TBCE: variants seen among roughly 807,000 people sequenced by gnomAD.
The protein encoded by TBCE is tubulin-specific chaperone E.
A neutral mutation model predicts 77.0 loss-of-function variants in TBCE; 53 were observed. The ratio of observed to expected loss-of-function variants is 0.69; its 90% confidence interval spans 0.55 to 0.87. The LOEUF is 0.87. Ranked by LOEUF, TBCE falls within the 40% of genes least tolerant of loss-of-function variation. TBCE has a pLI of 0.00. For missense variants in TBCE, 624 were observed against 622.4 expected (o/e 1.00, Z -0.03); for synonymous variants, 235 against 241.3 (o/e 0.97, Z 0.24).
chr1:235,417,523 T>A (rs1470491179), intron 4 of TBCE, among the ~76,000 whole-genome samples: 1 of 152,230 alleles, frequency 6.6e-6, no homozygotes, highest in Non-Finnish European at 1.5e-5. Flanking sequence ...GCGTCCAGTC[T>A]GATTCCAGGG....
rs976243696 is a variant in TBCE at position 235,374,044 on chromosome 1, G to A, written c.-31-5975G>A. ...GGCTGGAATGCAATGGCATACCTTG[G>A]CTGACTGCAGCCTCCGCCTCTTGGG... On this transcript the variant is annotated intron_variant, in intron 1 of 16. Transcript: ENST00000642610. Among the ~76,000 whole-genome samples the A allele has an allele frequency of 8.9e-5, 13 of 145,540 alleles. 2 individuals carry two copies. Among genetic ancestry groups the A allele is most frequent in the Admixed American group, 6.1e-4 (9 of 14,722 alleles).
intron 2 of TBCE, among the ~76,000 whole-genome samples, chr1:235,392,493 C>T (rs1347718924): frequency 6.6e-6 from 1 of 150,436 alleles, no homozygotes; most frequent in Non-Finnish European, 1.5e-5. Context: ...TCACTGCAAC[C>T]TCCGCCTCCT....
At chr1:235,380,496 G>T (rs7533205) in intron 2 of TBCE, among the ~76,000 whole-genome samples, 23,720 of 151,786 alleles carry the variant, frequency 0.16, 2,479 homozygotes, top group African/African-American at 0.3. Context: ...AATTTCTTTT[G>T]TCATTAATCC....
intron 2 of TBCE, among the ~76,000 whole-genome samples, chr1:235,391,036 A>G (rs557718829): frequency 2.4e-4 from 36 of 152,254 alleles, no homozygotes; most frequent in African/African-American, 8.4e-4. Flanking sequence ...AGCGGTGTTC[A>G]TTGCTACTGG....
intron 2 of TBCE, among the ~76,000 whole-genome samples, chr1:235,397,743 G>T (rs1010600841): frequency 1.3e-5 from 2 of 152,162 alleles, no homozygotes; most frequent in African/African-American, 4.8e-5. Context: ...TCAGTCTTCT[G>T]TGCATTTGGA....
At chr1:235,376,042 C>G (rs1677273968) in intron 1 of TBCE, among the ~76,000 whole-genome samples, 1 of 151,980 alleles carries the variant, frequency 6.6e-6, no homozygotes, top group Non-Finnish European at 1.5e-5. Context: ...CGAGACTCTT[C>G]TCAAAACAAA....
In TBCE at chr1:235,434,130, G is replaced by T. The variant is rs376370073; in HGVS notation, c.661-74G>T. ...AACAGTAACTGAGCTGAATTCTTGT[G>T]GTGGTTCCTATGAACACCCGGGAAG... On this transcript the variant is annotated intron_variant, in intron 7 of 16. Coordinates refer to ENST00000642610, the MANE Select transcript of TBCE (RefSeq NM_003193.5). 50 of 1,310,342 alleles carry T rather than the reference G, an allele frequency of 3.8e-5. No individual in the cohort carries two copies. In the African/African-American group the frequency reaches 6.8e-4, roughly 18 times the overall value. The allele number at this position is 1,310,342 out of a possible 1,614,324, so 81.2% of individuals were successfully genotyped here.
At chr1:235,434,493 G>A (rs1041753457) in intron 8 of TBCE, among the ~76,000 whole-genome samples, 3 of 151,944 alleles carry the variant, frequency 2.0e-5, no homozygotes, top group East Asian at 1.9e-4. Context: ...GTGAAGACAT[G>A]AGTTATATTA....
chr1:235,374,344 G>T (rs56155020), intron 1 of TBCE, among the ~76,000 whole-genome samples: 55,489 of 144,660 alleles, frequency 0.38, 14,937 homozygotes, highest in Non-Finnish European at 0.47. Flanking sequence ...TCTAGATATC[G>T]CAATTTAAGC....
rs1037402208 is a variant in TBCE, at chr1:235,448,344, G to C, written c.1400-5G>C. ...AACGAATGGACTTTTCTTGTCTTTT[G>C]ATAGGCTCCATGACAATTCAAAAGG... On this transcript the variant is annotated splice_region_variant and splice_polypyrimidine_tract_variant and intron_variant, in intron 15 of 16. Transcript: ENST00000642610. 1.9e-6 allele frequency: 3 copies of C among 1,610,902 alleles called. No individual in the cohort carries two copies. Among genetic ancestry groups the C allele is most frequent in the African/African-American group, 1.3e-5 (1 of 74,522 alleles).
At chr1:235,413,096 C>G (rs1279582148) in intron 3 of TBCE, among the ~76,000 whole-genome samples, 3 of 152,154 alleles carry the variant, frequency 2.0e-5, no homozygotes, top group Non-Finnish European at 1.5e-5. Flanking sequence ...AGCTACTGTG[C>G]CTGGCCAGAA....
intron 3 of TBCE, chr1:235,414,006 C>T (rs1435606794): frequency 1.2e-5 from 3 of 248,978 alleles, no homozygotes; most frequent in African/African-American, 7.0e-5. Context: ...AGGTGTGCAC[C>T]ACCACGCTGG....
At chr1:235,440,113 G>A (rs1344352698) in intron 13 of TBCE, among the ~76,000 whole-genome samples, 2 of 152,102 alleles carry the variant, frequency 1.3e-5, no homozygotes, top group Non-Finnish European at 2.9e-5. Flanking sequence ...TGGGACTACA[G>A]GCGCCCACCA....
intron 1 of TBCE, among the ~76,000 whole-genome samples, chr1:235,371,660 G>A (rs1365932876): frequency 2.6e-5 from 4 of 151,294 alleles, no homozygotes; most frequent in Non-Finnish European, 5.9e-5. Context: ...ACAGGCGTGA[G>A]CTACAGCACC....
At position 235,438,834 on chromosome 1, in the gene TBCE, A is replaced by G. The variant is rs1023437919; in HGVS notation, c.1182A>G (p.Lys394=). The G allele has an allele frequency of 1.2e-6, 2 of 1,614,076 alleles. No individual in the cohort carries two copies. Among genetic ancestry groups the G allele is most frequent in the East Asian group, 2.2e-5 (1 of 44,886 alleles). ...GAAAAGCTTTTGGAAATGAGTGGAAACAGGCTGGTGGACATAAGGATCCGG... is the reference window on the plus strand; with the variant it reads ...GAAAAGCTTTTGGAAATGAGTGGAAGCAGGCTGGTGGACATAAGGATCCGG... ...DYRKAFGNEW[K]QAGGHKDPEK... The change falls in exon 13 of 17, where the codon AAA becomes AAG. Residue 394 remains lysine (K), a synonymous_variant. Coordinates refer to ENST00000642610, the MANE Select transcript of TBCE (RefSeq NM_003193.5).
In TBCE at chr1:235,452,443, A is replaced by G. The variant is rs1289158381; in HGVS notation, c.*3681A>G. On this transcript the variant is annotated 3_prime_UTR_variant, in exon 17 of 17. Transcript: ENST00000642610. Reference sequence around the variant, plus strand: ...GAATTAAAGCAACAGCATAACTATTATGGTAGAAGATCCTCATTCTTTCTG... The same window carrying G: ...GAATTAAAGCAACAGCATAACTATTGTGGTAGAAGATCCTCATTCTTTCTG... 6.6e-6 allele frequency: 1 copy of G among 152,202 alleles called. No homozygotes were observed. The highest frequency in any genetic ancestry group is 1.5e-5 in the Non-Finnish European group (1 of 68,048). 9.4% of individuals were successfully genotyped at this position (152,202 alleles called of 1,614,324 possible). A position where few individuals can be genotyped will look rare whatever the true frequency, so the allele number is the denominator to read the frequency against.
In TBCE at chr1:235,413,221, A is replaced by G. The variant is rs552862209; in HGVS notation, c.186-1212A>G. ...AAAGTACGAAAAGTGTTAGCTGGACATGGTTGCTTGTACCTGTAGTCCTAG... is the reference window on the plus strand; with the variant it reads ...AAAGTACGAAAAGTGTTAGCTGGACGTGGTTGCTTGTACCTGTAGTCCTAG... On this transcript the variant is annotated intron_variant, in intron 3 of 16. Coordinates refer to ENST00000642610, the MANE Select transcript of TBCE (RefSeq NM_003193.5). Among the ~76,000 whole-genome samples the G allele has an allele frequency of 2.6e-4, 40 of 152,336 alleles. 1 individual carries two copies. Among genetic ancestry groups the G allele is most frequent in the South Asian group, 8.3e-4 (4 of 4,832 alleles).
intron 6 of TBCE, 38 bp downstream of exon 6, chr1:235,427,277 AAGCT>A: frequency 6.9e-7 from 1 of 1,449,554 alleles, no homozygotes; most frequent in Non-Finnish European, 9.7e-7. Context: ...ATTAACAATA[AAGCT>A]CATCTCTCCT....
intron 15 of TBCE, 75 bp from the exon 16 acceptor site, chr1:235,448,274 G>A (rs1238746099): frequency 9.2e-7 from 1 of 1,085,426 alleles, no homozygotes; most frequent in Non-Finnish European, 1.4e-6. Context: ...TGATACTGTG[G>A]TCTCATCACA....
Sources: gnomAD v4.1 joint callset for allele counts (sites outside exome capture counted in the v4.1 genomes callset) on GRCh38, gnomAD v4.1.1 for gene constraint, MANE v1.5 for transcripts, NCBI Gene and HGNC (gene_info 2026-07-23, HGNC 2026-07-21) for gene names.